CLVS1: variants seen among roughly 807,000 people sequenced by gnomAD.
The protein encoded by CLVS1 is clavesin-1.
In CLVS1, 10 loss-of-function variants were observed where a neutral mutation model predicts 33.1. The ratio of observed to expected loss-of-function variants is 0.30; its 90% CI spans 0.19 to 0.51. The LOEUF is 0.51. CLVS1 is among the 20% of genes least tolerant of loss of function. The pLI is 0.97. For synonymous variants in CLVS1, 163 were observed against 166.1 expected (o/e 0.98, Z 0.14); for missense variants, 343 against 433.4 (o/e 0.79, Z 1.85).
intron 2 of CLVS1, among the ~76,000 whole-genome samples, chr8:61,357,718 G>A (rs1270280425): frequency 6.6e-6 from 1 of 151,390 alleles, no homozygotes; most frequent in Non-Finnish European, 1.5e-5. Context: ...TGTTGGCCAA[G>A]CTGGTCTTCA....
chr8:61,123,248 A>G (rs1263771362), intron 1 of CLVS1, among the ~76,000 whole-genome samples: 1 of 107,168 alleles, frequency 9.3e-6, no homozygotes, highest in East Asian at 2.5e-4. Context: ...CAGCCTGGGA[A>G]ACAAGAGTGA....
intron 1 of CLVS1, among the ~76,000 whole-genome samples, chr8:61,129,776 T>C (rs575213067): frequency 6.6e-6 from 1 of 152,334 alleles, no homozygotes; most frequent in East Asian, 1.9e-4. Context: ...GCCCCATCTC[T>C]TAGTATCATC....
At chr8:61,224,187 C>T (rs1808280811) in intron 2 of CLVS1, among the ~76,000 whole-genome samples, 1 of 152,114 alleles carries the variant, frequency 6.6e-6, no homozygotes, top group African/African-American at 2.4e-5. Context: ...CTATCTCCTC[C>T]TCCGTCCAGT....
chr8:61,344,192 G>GA (rs912805551), intron 2 of CLVS1, among the ~76,000 whole-genome samples: 107 of 151,832 alleles, frequency 7.0e-4, no homozygotes, highest in African/African-American at 1.8e-3. Context: ...ATTAAAAAAA[G>GA]AAAAAAAAGA....
At chr8:61,065,677 C>T (rs1804665378) in intron 1 of CLVS1, among the ~76,000 whole-genome samples, 1 of 152,034 alleles carries the variant, frequency 6.6e-6, no homozygotes, top group Admixed American at 6.6e-5. Context: ...TTTTATTTTG[C>T]AGCTGTAAGA....
At chr8:61,147,723 A>T (rs751463718) in intron 2 of CLVS1, among the ~76,000 whole-genome samples, 1 of 152,264 alleles carries the variant, frequency 6.6e-6, no homozygotes, top group African/African-American at 2.4e-5. Context: ...TTTATTGGAA[A>T]TGATAGCATT....
chr8:61,078,428 G>T (rs961457818), intron 1 of CLVS1, among the ~76,000 whole-genome samples: 15 of 152,196 alleles, frequency 9.9e-5, no homozygotes, highest in Non-Finnish European at 2.2e-4. Flanking sequence ...CAGGCATGGT[G>T]ACATTTCAAT....
At chr8:61,298,312 G>T (rs1054512504) in intron 1 of CLVS1, among the ~76,000 whole-genome samples, 2 of 152,116 alleles carry the variant, frequency 1.3e-5, no homozygotes, top group African/African-American at 4.8e-5. Context: ...TGAGAAGTAA[G>T]ACTCTTCTGT....
chr8:61,309,043 T>TAGAG (rs574109395), intron 2 of CLVS1, among the ~76,000 whole-genome samples: 11 of 152,146 alleles, frequency 7.2e-5, no homozygotes, highest in Non-Finnish European at 1.6e-4. Flanking sequence ...AGCCAAGAGG[T>TAGAG]AGAGGGTGGC....
At chr8:61,386,219 T>C (rs1191133343) in intron 3 of CLVS1, among the ~76,000 whole-genome samples, 1 of 152,216 alleles carries the variant, frequency 6.6e-6, no homozygotes, top group Non-Finnish European at 1.5e-5. Context: ...CTTTGGAGTG[T>C]CTGATTCAGT....
chr8:61,348,519 C>A (rs916854522), intron 2 of CLVS1, among the ~76,000 whole-genome samples: 6 of 152,094 alleles, frequency 3.9e-5, no homozygotes, highest in African/African-American at 1.4e-4. Context: ...TAACGTCCTT[C>A]AGGTTCATTC....
At chr8:61,066,662 C>A (rs1238721240) in intron 1 of CLVS1, among the ~76,000 whole-genome samples, 1 of 152,198 alleles carries the variant, frequency 6.6e-6, no homozygotes, top group Non-Finnish European at 1.5e-5. Flanking sequence ...CCCTGTGGGT[C>A]AACGGAGGTT....
intron 2 of CLVS1, among the ~76,000 whole-genome samples, chr8:61,240,977 T>A (rs1808687687): frequency 6.7e-6 from 1 of 149,714 alleles, no homozygotes. Context: ...GGGTGGCTCA[T>A]AAACAGAAAT....
intron 1 of CLVS1, among the ~76,000 whole-genome samples, chr8:61,109,006 T>A (rs922973412): frequency 3.3e-5 from 5 of 152,304 alleles, no homozygotes; most frequent in African/African-American, 1.2e-4. Context: ...ATTTTTCCCA[T>A]CCCCGTTGGG....
At chr8:61,251,287 T>G (rs1808941329) in intron 2 of CLVS1, among the ~76,000 whole-genome samples, 1 of 152,188 alleles carries the variant, frequency 6.6e-6, no homozygotes, top group Non-Finnish European at 1.5e-5. Context: ...GTGGATAAGT[T>G]TTTGATGTAC....
chr8:61,455,775 G>C (rs1817128946), intron 4 of CLVS1, among the ~76,000 whole-genome samples: 1 of 152,166 alleles, frequency 6.6e-6, no homozygotes, highest in Non-Finnish European at 1.5e-5. Flanking sequence ...CTAGGGAATA[G>C]CTCTGAGTAT....
At chr8:61,251,294 G>A (rs57381079) in intron 2 of CLVS1, among the ~76,000 whole-genome samples, 141 of 152,278 alleles carry the variant, frequency 9.3e-4, no homozygotes, top group African/African-American at 3.2e-3. Flanking sequence ...AGTTTTTGAT[G>A]TACCGCTGGA....
chr8:61,167,064 GT>G (rs1190552730), intron 2 of CLVS1, among the ~76,000 whole-genome samples: 1 of 151,398 alleles, frequency 6.6e-6, no homozygotes, highest in Non-Finnish European at 1.5e-5. Context: ...CAAAGATAAT[GT>G]AAAATTTTAT....
intron 1 of CLVS1, among the ~76,000 whole-genome samples, chr8:61,113,219 G>A (rs892059920): frequency 2.4e-4 from 36 of 152,290 alleles, no homozygotes; most frequent in African/African-American, 7.9e-4. Flanking sequence ...TACATGGGGC[G>A]GGGAGTTGTG....
Sources: gnomAD v4.1 joint callset for allele counts (sites outside exome capture counted in the v4.1 genomes callset) on GRCh38, gnomAD v4.1.1 for gene constraint, MANE v1.5 for transcripts, NCBI Gene and HGNC (gene_info 2026-07-23, HGNC 2026-07-21) for gene names.